Variants in MB observed in about 807,000 individuals in gnomAD.
MB encodes myoglobin.
A neutral mutation model predicts 14.5 loss-of-function variants in MB; 10 were observed. The observed-to-expected ratio is 0.69, with a 90% CI of 0.43 to 1.17. MB has a LOEUF of 1.17. Ranked by LOEUF, MB falls within the 50% of genes most tolerant of loss-of-function variation. The pLI is 0.00. For synonymous variants in MB, 89 were observed against 78.6 expected, an observed-to-expected ratio of 1.13 and a Z score of -0.70; for missense variants, 169 against 192.7, an observed-to-expected ratio of 0.88 and a Z score of 0.73.
rs1223786471 is a variant in MB, at chr22:35,607,262, G to A, written c.*35C>T. 2.5e-6 allele frequency: 4 copies of A among 1,595,586 alleles called. No homozygotes were observed. Among genetic ancestry groups the A allele is most frequent in the Non-Finnish European group, 3.4e-6 (4 of 1,168,612 alleles). On this transcript the variant is annotated 3_prime_UTR_variant, in exon 3 of 3. Transcript: ENST00000397326. ...CAGACCCCGCTCTCTCTTGAACCCG[G>A]GGCCCAGATGGGTGGGGGTGGGAGC...
rs750750956 is a variant in MB at position 35,608,483 on chromosome 22, G to A, written c.319-1040C>T. On this transcript the variant is annotated intron_variant, in intron 2 of 2. Coordinates refer to ENST00000397326, the MANE Select transcript of MB (RefSeq NM_005368.3). This position sits in a 1 kb window ranked among gnomAD's most constrained non-coding sequence, Gnocchi z 4.3. ...AGTGACATAAAGCAGGGATAGTCGC[G>A]GGTGGGACATGCAAAGGGAGGCCTC... Among the ~76,000 whole-genome samples, 3 of 152,152 alleles carry A rather than the reference G, an allele frequency of 2.0e-5. No individual in the cohort carries two copies. Among genetic ancestry groups the A allele is most frequent in the South Asian group, 2.1e-4 (1 of 4,832 alleles).
At chr22:35,609,802 C>G (rs1478233773) in intron 2 of MB, among the ~76,000 whole-genome samples, 1 of 152,226 alleles carries the variant, frequency 6.6e-6, no homozygotes, top group Non-Finnish European at 1.5e-5. Context: ...TGATAGACTA[C>G]CTTTCCCAGC....
chr22:35,616,550 G>A (rs923044154), intron 1 of MB, among the ~76,000 whole-genome samples: 1 of 152,172 alleles, frequency 6.6e-6, no homozygotes, highest in Admixed American at 6.5e-5. Context: ...TATATGCCAG[G>A]AACCATGCCA....
At position 35,617,207 on chromosome 22, in the gene MB, CT is replaced by C. The variant is rs1360019023; in HGVS notation, c.50del (p.Lys17ArgfsTer34). 6.2e-7 allele frequency: 1 copy of C among 1,614,174 alleles called. No homozygotes were observed. Among genetic ancestry groups the C allele is most frequent in the Non-Finnish European group, 8.5e-7 (1 of 1,180,014 alleles). On this transcript the variant is annotated frameshift_variant, in exon 1 of 3. Transcript: ENST00000397326. LOFTEE classifies it high-confidence loss of function. ...EWQLVLNVWG[K>X]VEADIPGHGQ... Reference sequence around the variant, plus strand: ...CATGGCCTGGGATGTCAGCCTCCACCTTCCCCCAGACGTTCAGCACCAACTG... The same window carrying C: ...CATGGCCTGGGATGTCAGCCTCCACCTCCCCCAGACGTTCAGCACCAACTG...
At chr22:35,618,309 C>T (rs996762974), upstream of MB, among the ~76,000 whole-genome samples, 7 of 152,208 alleles carry the variant, frequency 4.6e-5, no homozygotes, top group South Asian at 2.1e-4. Context: ...TATTAACCCA[C>T]GTATCTCTTG....
chr22:35,619,563 C>T (rs918729474), upstream of MB, among the ~76,000 whole-genome samples: 2 of 152,220 alleles, frequency 1.3e-5, no homozygotes, highest in Non-Finnish European at 2.9e-5. Flanking sequence ...TGCTGCCAGT[C>T]ACAGCCAAGC....
At position 35,607,104 on chromosome 22, in the gene MB, C is replaced by A. The variant is rs1032777828; in HGVS notation, c.*193G>T. The stretch of plus-strand genomic sequence containing the variant: ...CTCCCGGTTCCCAGGGTGATGACAT[C>A]CCACAGGGAGGCGCATCGCTGGGCA... On this transcript the variant is annotated 3_prime_UTR_variant, in exon 3 of 3. Coordinates refer to ENST00000397326, the MANE Select transcript of MB (RefSeq NM_005368.3). The A allele has an allele frequency of 7.4e-6, 4 of 542,450 alleles. No individual in the cohort carries two copies. The African/African-American group carries it at 7.5e-5, about 10-fold the overall frequency. The allele number at this position is 542,450 out of a possible 1,614,324, so 33.6% of individuals were successfully genotyped here.
exon 1 of MB, chr22:35,623,227 T>C (rs1923574514): frequency 6.6e-6 from 1 of 152,290 alleles, no homozygotes; most frequent in South Asian, 2.1e-4. Flanking sequence ...AAGCCCAAGA[T>C]TGGGACCCAG....
intron 2 of MB, among the ~76,000 whole-genome samples, chr22:35,607,917 A>G (rs1922283416): frequency 6.6e-6 from 1 of 152,130 alleles, no homozygotes; most frequent in Non-Finnish European, 1.5e-5. Flanking sequence ...TGTGTATGCA[A>G]TTTTTGCATA....
chr22:35,610,833 C>T, intron 2 of MB, 51 bp downstream of exon 2: 1 of 1,475,756 alleles, frequency 6.8e-7, no homozygotes, highest in Non-Finnish European at 9.4e-7. Flanking sequence ...TCCCATTGCC[C>T]CACCCGAGGC....
At chr22:35,614,123 C>T (rs951485260) in intron 1 of MB, among the ~76,000 whole-genome samples, 1 of 152,206 alleles carries the variant, frequency 6.6e-6, no homozygotes, top group African/African-American at 2.4e-5. Flanking sequence ...GAAGGGAGGC[C>T]ATTTTCCTGC....
At chr22:35,611,420 G>A (rs1922621532) in intron 1 of MB, among the ~76,000 whole-genome samples, 1 of 152,162 alleles carries the variant, frequency 6.6e-6, no homozygotes, top group Admixed American at 6.5e-5. Context: ...ACTATTGCAG[G>A]GGTGCTGTCC....
upstream of MB, among the ~76,000 whole-genome samples, chr22:35,618,342 C>G (rs2145925044): frequency 6.6e-6 from 1 of 152,276 alleles, no homozygotes; most frequent in Admixed American, 6.5e-5. Context: ...TGCTTTGTGC[C>G]AAGTTTGAAC....
intron 2 of MB, among the ~76,000 whole-genome samples, chr22:35,610,078 A>T: frequency 6.6e-6 from 1 of 152,124 alleles, no homozygotes; most frequent in East Asian, 1.9e-4. Context: ...CTATCACCAC[A>T]TCCTAATCCT....
At chr22:35,614,910 G>C (rs369865700) in intron 1 of MB, among the ~76,000 whole-genome samples, 1 of 151,838 alleles carries the variant, frequency 6.6e-6, no homozygotes, top group Non-Finnish European at 1.5e-5. Flanking sequence ...TGTTCCCCCC[G>C]CTCCCCAAAA....
At chr22:35,617,736 C>T (rs1463524254), upstream of MB, 1 of 160,146 alleles carries the variant, frequency 6.2e-6, no homozygotes, top group Admixed American at 6.2e-5. Flanking sequence ...CCAGGACAGT[C>T]CTGGCCATTC....
At chr22:35,614,734 CCATTATCATTAT>C (rs58036134) in intron 1 of MB, among the ~76,000 whole-genome samples, 41 of 150,522 alleles carry the variant, frequency 2.7e-4, no homozygotes, top group Non-Finnish European at 4.9e-4. Flanking sequence ...ATCATCTCTA[CCATTATCATTAT>C]CATTATCATT....
intron 1 of MB, among the ~76,000 whole-genome samples, chr22:35,613,063 G>A (rs45478996): frequency 7.4e-4 from 113 of 152,288 alleles, no homozygotes; most frequent in Non-Finnish European, 1.1e-3. Flanking sequence ...CGTCACTGAC[G>A]GCTTGTCTCT....
chr22:35,618,260 C>T (rs191501294), upstream of MB, among the ~76,000 whole-genome samples: 118 of 152,308 alleles, frequency 7.7e-4, no homozygotes, highest in African/African-American at 2.8e-3. Flanking sequence ...AAGCCACGCC[C>T]CTTTCTTTGC....
Sources: allele counts gnomAD v4.1 joint callset (sites outside exome capture counted in the v4.1 genomes callset), GRCh38; gene constraint gnomAD v4.1.1; non-coding constraint Gnocchi (gnomAD v3.1); transcripts MANE v1.5; gene names NCBI Gene and HGNC (gene_info 2026-07-23, HGNC 2026-07-21).